The following GLIS3 variants were observed in gnomAD, a reference collection of about 807,000 sequenced individuals.
GLIS3 encodes GLIS family zinc finger 3.
Under a neutral mutation model 78.6 loss-of-function variants are expected in GLIS3, and 53 were observed. The ratio of observed to expected loss-of-function variants is 0.67; its 90% confidence interval spans 0.54 to 0.85. GLIS3 has a LOEUF of 0.85. GLIS3 is among the 40% of genes least tolerant of loss of function. The pLI is 0.00. For synonymous variants in GLIS3, 684 were observed against 509.9 expected, an observed-to-expected ratio of 1.34 and a Z score of -4.60; for missense variants, 1,703 against 1,231.1, an observed-to-expected ratio of 1.38 and a Z score of -5.74.
At chr9:4,050,465 G>GA (rs1825667766) in intron 4 of GLIS3, among the ~76,000 whole-genome samples, 1 of 152,104 alleles carries the variant, frequency 6.6e-6, no homozygotes, top group Admixed American at 6.6e-5. Context: ...GGGTCTGGGG[G>GA]AGGGATAGCG....
chr9:3,932,491 G>C (rs537037384), intron 5 of GLIS3, 21 bp from the exon 6 acceptor site: 3 of 1,534,922 alleles, frequency 2.0e-6, no homozygotes, highest in Admixed American at 1.7e-5. Context: ...AAGAAAGAAA[G>C]AAACAGCTGT....
chr9:4,083,256 G>A (rs1406652464), intron 4 of GLIS3, among the ~76,000 whole-genome samples: 1 of 152,046 alleles, frequency 6.6e-6, no homozygotes, highest in Admixed American at 6.6e-5. Context: ...TAGAATTTGG[G>A]CAGCAATAGA....
chr9:4,341,238 C>G (rs1817830061), intron 2 of GLIS3, among the ~76,000 whole-genome samples: 1 of 152,248 alleles, frequency 6.6e-6, no homozygotes, highest in Non-Finnish European at 1.5e-5. Flanking sequence ...TCTTCTTCAG[C>G]CATTTCCAAC....
At chr9:4,303,611 A>G (rs758140506), upstream of GLIS3, among the ~76,000 whole-genome samples, 3 of 152,184 alleles carry the variant, frequency 2.0e-5, no homozygotes, top group African/African-American at 2.4e-5. Flanking sequence ...TTTCCTTTCT[A>G]AAGTCAAAAC....
intron 2 of GLIS3, among the ~76,000 whole-genome samples, chr9:4,216,771 T>C (rs181008799): frequency 7.2e-5 from 11 of 152,270 alleles, no homozygotes; most frequent in Admixed American, 2.6e-4. Flanking sequence ...ATTCTTACCA[T>C]AGCTGTTCAT....
At chr9:4,475,486 C>T in the GLIS3 span, among the ~76,000 whole-genome samples, 1 of 152,294 alleles carries the variant, frequency 6.6e-6, no homozygotes, top group Non-Finnish European at 1.5e-5. Context: ...ATACTGGAAA[C>T]AAACCAGATT....
At chr9:4,347,638 A>G (rs554984831) in intron 1 of GLIS3, among the ~76,000 whole-genome samples, 1 of 152,348 alleles carries the variant, frequency 6.6e-6, no homozygotes, top group East Asian at 1.9e-4. Flanking sequence ...AATAATAGTC[A>G]TCTTTCAAAT....
chr9:4,417,088 C>G, the GLIS3 span, among the ~76,000 whole-genome samples: 606 of 152,212 alleles, frequency 4.0e-3, 3 homozygotes, highest in Non-Finnish European at 7.4e-3. Flanking sequence ...TCACTGGAGA[C>G]AGGCTACACA....
chr9:4,340,478 C>G (rs76116417), intron 2 of GLIS3, among the ~76,000 whole-genome samples: 3 of 152,090 alleles, frequency 2.0e-5, no homozygotes, highest in African/African-American at 7.2e-5. Flanking sequence ...AATTCCTCAT[C>G]TTTCAGGATG....
In GLIS3 at chr9:3,824,580, T is replaced by C. The variant is rs75958174; in HGVS notation, c.*3692A>G. The C allele has an allele frequency of 6.6e-6, 1 of 152,344 alleles. No individual in the cohort carries two copies. 9.4% of individuals were successfully genotyped at this position (152,344 alleles called of 1,614,324 possible). Reference sequence around the variant, plus strand: ...CAAGACAAAATAACTTATGATTATATGAAACATAACTGTGACAAATCACAA... The same window carrying C: ...CAAGACAAAATAACTTATGATTATACGAAACATAACTGTGACAAATCACAA... On this transcript the variant is annotated 3_prime_UTR_variant, in exon 11 of 11. Transcript: ENST00000381971.
the GLIS3 span, among the ~76,000 whole-genome samples, chr9:4,451,105 T>A: frequency 2.0e-5 from 3 of 152,038 alleles, no homozygotes; most frequent in African/African-American, 7.3e-5. Flanking sequence ...AGGAAACCCA[T>A]CTCATGTGCA....
chr9:4,205,389 T>C (rs191691205), intron 2 of GLIS3, among the ~76,000 whole-genome samples: 112 of 152,244 alleles, frequency 7.4e-4, no homozygotes, highest in African/African-American at 2.5e-3. Context: ...TGGCCAGAGT[T>C]ACGAATTGGT....
chr9:4,374,848 A>G, the GLIS3 span, among the ~76,000 whole-genome samples: 1 of 152,262 alleles, frequency 6.6e-6, no homozygotes, highest in Non-Finnish European at 1.5e-5. Context: ...ACACATGCAC[A>G]TATGTGCACA....
At chr9:4,417,860 C>T in the GLIS3 span, among the ~76,000 whole-genome samples, 817 of 152,270 alleles carry the variant, frequency 5.4e-3, 1 homozygote, top group Middle Eastern at 0.01. Context: ...TCCCCCTTTT[C>T]TCCAAATCAA....
chr9:3,837,545 A>G (rs969070027), intron 9 of GLIS3, among the ~76,000 whole-genome samples: 3 of 152,264 alleles, frequency 2.0e-5, no homozygotes, highest in African/African-American at 7.2e-5. Flanking sequence ...GCAAACGAAT[A>G]AATAAACTGC....
At chr9:3,874,662 G>T (rs555232515) in intron 8 of GLIS3, among the ~76,000 whole-genome samples, 3 of 152,158 alleles carry the variant, frequency 2.0e-5, no homozygotes, top group Admixed American at 2.0e-4. Flanking sequence ...GTCAGGATAG[G>T]TTGCAATTAG....
At chr9:4,175,507 T>C (rs1197210881) in intron 2 of GLIS3, among the ~76,000 whole-genome samples, 1 of 152,176 alleles carries the variant, frequency 6.6e-6, no homozygotes, top group East Asian at 1.9e-4. Flanking sequence ...TTATATATCC[T>C]TTGAGACACA....
intron 2 of GLIS3, among the ~76,000 whole-genome samples, chr9:4,338,234 T>C (rs1276722809): frequency 6.6e-6 from 1 of 152,194 alleles, no homozygotes; most frequent in African/African-American, 2.4e-5. Context: ...TTGGACTAGA[T>C]GAGTTTCCTT....
chr9:4,175,103 A>C (rs1441737043), intron 2 of GLIS3, among the ~76,000 whole-genome samples: 1 of 152,184 alleles, frequency 6.6e-6, no homozygotes, highest in African/African-American at 2.4e-5. Context: ...GAGTTTCCTC[A>C]ATAGTTATTT....
Sources: allele counts gnomAD v4.1 joint callset (sites outside exome capture counted in the v4.1 genomes callset), GRCh38; gene constraint gnomAD v4.1.1; transcripts MANE v1.5; gene names NCBI Gene and HGNC (gene_info 2026-07-23, HGNC 2026-07-21).